CACNA1H: variants seen among roughly 807,000 people sequenced by gnomAD.
CACNA1H encodes the protein calcium voltage-gated channel subunit alpha1 H, also known as voltage-dependent T-type calcium channel subunit alpha-1H.
In CACNA1H, 149 loss-of-function variants were observed where a neutral mutation model predicts 192.5. That is an observed-to-expected ratio of 0.77 (90% CI 0.68 to 0.89). The LOEUF (loss-of-function observed/expected upper bound fraction) is 0.89. Ranked by LOEUF, CACNA1H falls within the 40% of genes least tolerant of loss-of-function variation. The pLI is 0.00. For missense variants in CACNA1H, 4,257 were observed against 3,423.5 expected (o/e 1.24, Z -6.08); for synonymous variants, 2,202 against 1,475.2 (o/e 1.49, Z -11.29).
In CACNA1H at chr16:1,211,785, G is replaced by A. The variant is rs768542940; in HGVS notation, c.4546G>A (p.Ala1516Thr). ...WVNIMYDGLD[A>T]VGVDQQPVQN... ...GAACATCATGTACGACGGGCTGGAT[G>A]CCGTGGGTGTCGACCAGCAGGTGCG... The change falls in exon 24 of 35, where the codon GCC becomes ACC. Residue 1516 changes from alanine (A) to threonine (T), a missense_variant. By Grantham distance (58) the Ala-to-Thr change is moderately conservative (BLOSUM62 0). Transcript: ENST00000348261. 7 of 1,612,670 alleles carry A rather than the reference G, an allele frequency of 4.3e-6. No individual in the cohort carries two copies. Among genetic ancestry groups the A allele is most frequent in the Non-Finnish European group, 5.9e-6 (7 of 1,179,724 alleles).
At chr16:1,190,931 C>G (rs1421889629) in intron 2 of CACNA1H, among the ~76,000 whole-genome samples, 166 of 139,020 alleles carry the variant, frequency 1.2e-3, no homozygotes, top group African/African-American at 2.1e-3. Context: ...CGGGGTTTCG[C>G]TGACCCAGCA....
chr16:1,209,517 G>C (rs1024951200), intron 17 of CACNA1H, 105 bp downstream of exon 17: 37 of 1,411,634 alleles, frequency 2.6e-5, no homozygotes, highest in Non-Finnish European at 3.4e-5. Flanking sequence ...TGTTGACTGA[G>C]GGGATTCAGA....
intron 2 of CACNA1H, chr16:1,157,813 G>C (rs1182659003): frequency 6.6e-6 from 1 of 152,332 alleles, no homozygotes; most frequent in Non-Finnish European, 1.5e-5. Flanking sequence ...ACTCAGCAGG[G>C]TGGGGCTTGG....
In CACNA1H at chr16:1,162,642, G is replaced by A. The variant is rs933160949; in HGVS notation, c.299+8606G>A. ...CAGCTCCTGCGGACACCTGGAGTGG[G>A]GGGGGGGGGTCCATCCTAGGAGGAG... On this transcript the variant is annotated intron_variant, in intron 2 of 34. Coordinates refer to ENST00000348261, the MANE Select transcript of CACNA1H (RefSeq NM_021098.3). Among the ~76,000 whole-genome samples, 6 of 150,354 alleles carry A rather than the reference G, an allele frequency of 4.0e-5. 1 individual carries two copies. The highest frequency in any genetic ancestry group is 9.9e-5 in the African/African-American group (4 of 40,556).
chr16:1,195,737 A>G (rs771105384), intron 4 of CACNA1H, among the ~76,000 whole-genome samples, 172 bp downstream of exon 4: 8 of 152,118 alleles, frequency 5.3e-5, no homozygotes, highest in Non-Finnish European at 1.2e-4. Flanking sequence ...GGCACAGGTG[A>G]GGGAGGTGGC....
intron 34 of CACNA1H, among the ~76,000 whole-genome samples, chr16:1,219,504 C>A (rs148938897): frequency 6.6e-6 from 1 of 152,196 alleles, no homozygotes. Context: ...GCATGGGTCC[C>A]GTGGTGGGCA....
Position 1,198,652 on chromosome 16 carries a change from G to A in CACNA1H, c.681G>A (p.Leu227=). ...RILVTLLLDT[L]PMLGNVLLLC... ...TGGTCACTCTGCTGCTGGATACGCTGCCCATGCTCGGGAACGTCCTTCTGC... is the reference window on the plus strand; with the variant it reads ...TGGTCACTCTGCTGCTGGATACGCTACCCATGCTCGGGAACGTCCTTCTGC... Residue 227 remains leucine, a synonymous_variant, in exon 6 of 35, where the codon CTG becomes CTA. Transcript: ENST00000348261. 6.2e-7 allele frequency: 1 copy of A among 1,613,438 alleles called. No homozygotes were observed. The highest frequency in any genetic ancestry group is 1.1e-5 in the South Asian group (1 of 91,084).
At chr16:1,184,392 C>T (rs1383863099) in intron 2 of CACNA1H, among the ~76,000 whole-genome samples, 1 of 152,260 alleles carries the variant, frequency 6.6e-6, no homozygotes, top group African/African-American at 2.4e-5. Flanking sequence ...CCAGAGGACT[C>T]CAGGCGGCTT....
At chr16:1,217,813 G>C (rs1368663268) in intron 31 of CACNA1H, 106 bp from the exon 32 acceptor site, 13 of 1,398,114 alleles carry the variant, frequency 9.3e-6, no homozygotes, top group African/African-American at 4.3e-5. Flanking sequence ...CATCCTCCGG[G>C]CTATCCTGCC....
rs867983888 is a variant in CACNA1H at position 1,185,668 on chromosome 16, G to A, written c.300-9304G>A. Among the ~76,000 whole-genome samples the A allele has an allele frequency of 5.9e-5, 7 of 119,358 alleles. 1 individual carries two copies. The highest frequency in any genetic ancestry group is 2.6e-4 in the Admixed American group (3 of 11,578). 78.3% of individuals were successfully genotyped at this position (119,358 alleles called of 152,430 possible). A position where few individuals can be genotyped will look rare whatever the true frequency, so the allele number is the denominator to read the frequency against. On this transcript the variant is annotated intron_variant, in intron 2 of 34. Coordinates refer to ENST00000348261, the MANE Select transcript of CACNA1H (RefSeq NM_021098.3). ...AGACGGTCGGCATGCATAGGGGCCG[G>A]AGGCGGGGTGTGTACGGGGCGGGTG...
chr16:1,199,921 C>T (rs528205905), intron 6 of CACNA1H, among the ~76,000 whole-genome samples: 4 of 152,208 alleles, frequency 2.6e-5, no homozygotes, highest in East Asian at 3.9e-4. Context: ...GGTCTCCCTC[C>T]CTGTTTGTCT....
chr16:1,220,944 T>TC lies in CACNA1H; in HGVS notation c.7017dup (p.Ser2340LeufsTer12), dbSNP rs1970439267. On this transcript the variant is annotated frameshift_variant, in exon 35 of 35. Transcript: ENST00000348261. LOFTEE classifies it low-confidence loss of function (END_TRUNC). Reference sequence around the variant, plus strand: ...CCAGTGTCCTCTGGAGAAACCAGGGTCCCCCTCAGCCACCCCTGCCCCAGG... The same window carrying TC: ...CCAGTGTCCTCTGGAGAAACCAGGGTCCCCCCTCAGCCACCCCTGCCCCAGG... The TC allele has an allele frequency of 6.2e-7, 1 of 1,606,612 alleles. No homozygotes were observed. Among genetic ancestry groups the TC allele is most frequent in the East Asian group, 2.2e-5 (1 of 44,738 alleles).
At chr16:1,172,477 G>T (rs866220105) in intron 2 of CACNA1H, among the ~76,000 whole-genome samples, 2 of 151,372 alleles carry the variant, frequency 1.3e-5, no homozygotes, top group South Asian at 2.1e-4. Context: ...TGGGGTGGTC[G>T]TGGGGTCCCC....
rs1393472618 is a variant in CACNA1H, at chr16:1,218,599, C to T, written c.5835C>T (p.Pro1945=). ...TGGTGCCTGCCTCGGCGCCCCACCC[C>T]CGCCCGCTGCAGGAGGTGGAGATGG... ...RPVVPASAPH[P]RPLQEVEMET... is the part of the protein sequence containing the mutation. The change falls in exon 33 of 35, where the codon CCC becomes CCT. Residue 1945 remains proline, a synonymous_variant. Coordinates refer to ENST00000348261, the MANE Select transcript of CACNA1H (RefSeq NM_021098.3). The T allele has an allele frequency of 6.4e-7, 1 of 1,565,162 alleles. No homozygotes were observed. Among genetic ancestry groups the T allele is most frequent in the Non-Finnish European group, 8.7e-7 (1 of 1,155,062 alleles).
chr16:1,210,876 G>A lies in CACNA1H; in HGVS notation c.4128G>A (p.Leu1376=), dbSNP rs1249993553. 6 of 1,605,532 alleles carry A rather than the reference G, an allele frequency of 3.7e-6. No homozygotes were observed. Among genetic ancestry groups the A allele is most frequent in the East Asian group, 2.2e-5 (1 of 44,878 alleles). ...ATGGGCTGCTGGTGCTGGTGTCCCT[G>A]GTGGACATTGTCGTGGCCATGGCCT... ...LLDGLLVLVS[L]VDIVVAMASA... is the part of the protein sequence containing the mutation. Residue 1376 remains leucine (L), a synonymous_variant, in exon 21 of 35, where the codon CTG becomes CTA. Transcript: ENST00000348261.
At position 1,218,486 on chromosome 16, in the gene CACNA1H, G is replaced by A. The variant is rs900559998; in HGVS notation, c.5722G>A (p.Ala1908Thr). 1.5e-5 allele frequency: 24 copies of A among 1,551,958 alleles called. No individual in the cohort carries two copies. Among genetic ancestry groups the A allele is most frequent in the East Asian group, 1.2e-4 (5 of 41,032 alleles). ...TCCCTTGCCCCAGGAGAGTCCGGGC[G>A]CCAGGGACGCCCCAAACCTGGTTGC... is the stretch of plus-strand genomic sequence containing the variant. Reference protein sequence around the residue: ...RPPLPQESPGARDAPNLVARK... With the variant: ...RPPLPQESPGTRDAPNLVARK... Residue 1908 changes from alanine to threonine, a missense_variant, in exon 33 of 35, where the codon GCC becomes ACC. By Grantham distance (58) the Ala-to-Thr change is moderately conservative. Transcript: ENST00000348261.
chr16:1,188,955 G>T (rs532527702), intron 2 of CACNA1H, among the ~76,000 whole-genome samples: 85 of 152,072 alleles, frequency 5.6e-4, no homozygotes, highest in African/African-American at 2.0e-3. Context: ...TGGCATCTGC[G>T]GTGCACTGGA....
chr16:1,217,727 C>T (rs571300422), intron 31 of CACNA1H, among the ~76,000 whole-genome samples, 192 bp from the exon 32 acceptor site: 11 of 152,238 alleles, frequency 7.2e-5, no homozygotes, highest in Non-Finnish European at 1.3e-4. Context: ...GCAGGGGCCT[C>T]GGCCCAGGGG....
chr16:1,213,548 C>T (rs1328822000), intron 26 of CACNA1H, among the ~76,000 whole-genome samples: 1 of 152,070 alleles, frequency 6.6e-6, no homozygotes, highest in African/African-American at 2.4e-5. Flanking sequence ...GCCTAGCCAG[C>T]TCCCCAGGGA....
Sources: allele counts gnomAD v4.1 joint callset (sites outside exome capture counted in the v4.1 genomes callset), GRCh38; gene constraint gnomAD v4.1.1; transcripts MANE v1.5; gene names NCBI Gene and HGNC (gene_info 2026-07-23, HGNC 2026-07-21).